NXPE1: variants seen among roughly 807,000 people sequenced by gnomAD.
NXPE1 encodes the protein NXPE family member 1.
In NXPE1, 31 loss-of-function variants were observed where a neutral mutation model predicts 33.3. That is an observed-to-expected ratio of 0.93 (90% CI 0.70 to 1.26). NXPE1 has a LOEUF of 1.26. Ranked by LOEUF, NXPE1 falls within the 50% of genes most tolerant of loss-of-function variation. The pLI is 0.00. For synonymous variants in NXPE1, 229 were observed against 231.4 expected, an observed-to-expected ratio of 0.99 and a Z score of 0.09; for missense variants, 661 against 655.6, an observed-to-expected ratio of 1.01 and a Z score of -0.09.
intron 5 of NXPE1, among the ~76,000 whole-genome samples, chr11:114,543,524 A>G (rs1948173263): frequency 6.6e-6 from 1 of 152,032 alleles, no homozygotes; most frequent in Non-Finnish European, 1.5e-5. Flanking sequence ...CTGTTTAAAA[A>G]AAAAAAAAAT....
chr11:114,550,463 T>C (rs1948438877), intron 5 of NXPE1, among the ~76,000 whole-genome samples: 1 of 152,124 alleles, frequency 6.6e-6, no homozygotes, highest in Non-Finnish European at 1.5e-5. Context: ...GCACTCAACA[T>C]CAGTGAGGAT....
intron 5 of NXPE1, among the ~76,000 whole-genome samples, chr11:114,547,572 A>C (rs1247519310): frequency 1.3e-5 from 2 of 152,104 alleles, no homozygotes; most frequent in Non-Finnish European, 2.9e-5. Flanking sequence ...CATCTCTCCC[A>C]AAAAATATAA....
Position 114,530,352 on chromosome 11 carries a change from TC to T in NXPE1, c.655del (p.Glu219AsnfsTer4). The T allele has an allele frequency of 6.2e-7, 1 of 1,614,188 alleles. No homozygotes were observed. Among genetic ancestry groups the T allele is most frequent in the South Asian group, 1.1e-5 (1 of 91,080 alleles). Reference sequence around the variant, plus strand: ...ATTTGAGTTTAGGGTCAGGCCACATTCAGTGAAGACATGAGAGGTGCCATTA... The same window carrying T: ...ATTTGAGTTTAGGGTCAGGCCACATTAGTGAAGACATGAGAGGTGCCATTA... On this transcript the variant is annotated frameshift_variant, in exon 6 of 9. Transcript: ENST00000534921. LOFTEE classifies it high-confidence loss of function.
chr11:114,547,456 T>G (rs1053181741), intron 5 of NXPE1, among the ~76,000 whole-genome samples: 5 of 152,178 alleles, frequency 3.3e-5, no homozygotes, highest in Admixed American at 3.3e-4. Flanking sequence ...TAATGTTGGC[T>G]GGGTGCGGTG....
chr11:114,531,165 A>G (rs1947565658), intron 5 of NXPE1, among the ~76,000 whole-genome samples: 1 of 152,058 alleles, frequency 6.6e-6, no homozygotes, highest in African/African-American at 2.4e-5. Flanking sequence ...TTTGTATAAA[A>G]TGTAAACATT....
intron 1 of NXPE1, chr11:114,554,313 C>G: frequency 1.0e-6 from 1 of 984,764 alleles, no homozygotes; most frequent in South Asian, 4.7e-5. Flanking sequence ...GTGTGCCATA[C>G]CTCCTCCAGG....
At chr11:114,522,283 T>C (rs1302262534) in exon 9 of NXPE1, 1 of 1,613,968 alleles carries the variant, frequency 6.2e-7, no homozygotes, top group Non-Finnish European at 8.5e-7. Flanking sequence ...TGGGAAATGG[T>C]CTAAAGTGCT....
downstream of NXPE1, among the ~76,000 whole-genome samples, chr11:114,519,132 A>G (rs933935418): frequency 6.6e-6 from 1 of 152,226 alleles, no homozygotes; most frequent in East Asian, 1.9e-4. Flanking sequence ...CACACGTTTT[A>G]TGAGCCTTTT....
chr11:114,557,383 G>A (rs547736024), intron 1 of NXPE1, among the ~76,000 whole-genome samples: 1 of 151,986 alleles, frequency 6.6e-6, no homozygotes, highest in South Asian at 2.1e-4. Context: ...AGGGACCTTA[G>A]AAAACTGTAC....
exon 1 of NXPE1, chr11:114,559,799 T>G (rs1948736537): frequency 6.6e-6 from 1 of 152,372 alleles, no homozygotes; most frequent in Non-Finnish European, 1.5e-5. Context: ...CTTACTCACC[T>G]GTTTTAATGA....
intron 6 of NXPE1, 123 bp downstream of exon 6, chr11:114,530,052 C>T (rs1361256983): frequency 2.0e-6 from 2 of 1,018,516 alleles, no homozygotes; most frequent in East Asian, 4.8e-5. Context: ...AAGAAGACAC[C>T]ACATGTCTTA....
chr11:114,541,007 C>T (rs1306682876), intron 5 of NXPE1, among the ~76,000 whole-genome samples: 1 of 151,738 alleles, frequency 6.6e-6, no homozygotes, highest in Non-Finnish European at 1.5e-5. Flanking sequence ...GCTTAGATCT[C>T]TAGCTGACCC....
exon 9 of NXPE1, chr11:114,521,890 G>A (rs58210067): frequency 8.9e-7 from 1 of 1,122,396 alleles, no homozygotes; most frequent in Middle Eastern, 2.1e-4. Flanking sequence ...TTCCTAAAAT[G>A]AGTAAAACTT....
rs1216885178 is a variant in NXPE1 at position 114,552,881 on chromosome 11, C to G, written c.-210-1G>C. On this transcript the variant is annotated splice_acceptor_variant, in intron 1 of 8. Transcript: ENST00000534921. LOFTEE classifies it low-confidence loss of function (5UTR_SPLICE). ...TAGGTGTCAGGTAGCACAGAATGCA[C>G]TGAAAATAAGGAGAAGCAGCAAAAT... 4 of 978,234 alleles carry G rather than the reference C, an allele frequency of 4.1e-6. No individual in the cohort carries two copies. Among genetic ancestry groups the G allele is most frequent in the Non-Finnish European group, 4.9e-6 (4 of 823,490 alleles). 60.6% of individuals were successfully genotyped at this position (978,234 alleles called of 1,614,324 possible).
At chr11:114,522,934 G>T in exon 8 of NXPE1, 1 of 1,613,472 alleles carries the variant, frequency 6.2e-7, no homozygotes, top group Non-Finnish European at 8.5e-7. Context: ...AGTCTCCCAG[G>T]AGGTAAATGA....
At position 114,530,247 on chromosome 11, in the gene NXPE1, G is replaced by A; in HGVS notation, c.761C>T (p.Ala254Val). 4 of 1,614,126 alleles carry A rather than the reference G, an allele frequency of 2.5e-6. No homozygotes were observed. The South Asian group carries it at 4.4e-5, about 18-fold the overall frequency. The change falls in exon 6 of 9, where the codon GCT becomes GTT. Residue 254 changes from alanine (A) to valine (V), a missense_variant. Ala to Val is a moderately conservative substitution (Grantham distance 64). Transcript: ENST00000534921. ...ATTCCGGGTGGTCATGTAGGTCAGA[G>A]CCTCACAGGGCATGTGTTGAGGCTT...
chr11:114,542,022 G>T (rs1040165323), intron 5 of NXPE1, among the ~76,000 whole-genome samples: 21 of 152,060 alleles, frequency 1.4e-4, no homozygotes, highest in Admixed American at 1.2e-3. Context: ...CTATGGCTGT[G>T]GCTATATCAA....
At chr11:114,551,355 A>G in intron 4 of NXPE1, 28 bp downstream of exon 4, 2 of 1,415,590 alleles carry the variant, frequency 1.4e-6, no homozygotes, top group South Asian at 3.2e-5. Context: ...GCTAACTAAC[A>G]ACTCATACCC....
rs776298303 is a variant in NXPE1, at chr11:114,530,207, A to T, written c.801T>A (p.Tyr267Ter). ...AAAGGCTGTTTTCCTTGTCTGTAAG[A>T]TAAGATACCTCTCTATTCCGGGTGG... The change falls in exon 6 of 9, where the codon TAT becomes TAA. Residue 267 changes from tyrosine to a stop codon, truncating the protein, a stop_gained. Coordinates refer to ENST00000534921, the Ensembl canonical transcript of NXPE1. LOFTEE classifies it high-confidence loss of function. 1.9e-6 allele frequency: 3 copies of T among 1,611,854 alleles called. No individual in the cohort carries two copies. The highest frequency in any genetic ancestry group is 1.1e-5 in the South Asian group (1 of 90,704).
Sources: allele counts gnomAD v4.1 joint callset (sites outside exome capture counted in the v4.1 genomes callset), GRCh38; gene constraint gnomAD v4.1.1; transcripts MANE v1.5; gene names NCBI Gene and HGNC (gene_info 2026-07-23, HGNC 2026-07-21).